Variants in DUOX2 observed in about 807,000 individuals in gnomAD.
DUOX2 encodes NADH/NADPH thyroid oxidase p138-tox.
A neutral mutation model predicts 183.3 loss-of-function variants in DUOX2; 185 were observed. The observed-to-expected ratio is 1.01, with a 90% confidence interval of 0.90 to 1.14. The LOEUF (loss-of-function observed/expected upper bound fraction) is 1.14, where lower values mean the gene tolerates loss of function less well. Ranked by LOEUF, DUOX2 falls within the 50% of genes most tolerant of loss-of-function variation. DUOX2 has a pLI of 0.00. For synonymous variants in DUOX2, 788 were observed against 812.4 expected, an observed-to-expected ratio of 0.97 and a Z score of 0.51; for missense variants, 1,999 against 2,022.9, an observed-to-expected ratio of 0.99 and a Z score of 0.23.
At position 45,097,105 on chromosome 15, in the gene DUOX2, G is replaced by A. The variant is rs558996178; in HGVS notation, c.3847+133C>T. 1.4e-3 allele frequency: 1,978 copies of A among 1,416,658 alleles called. 37 individuals are homozygous for A. In the South Asian group the frequency reaches 0.022, roughly 16 times the overall value. The allele number at this position is 1,416,658 out of a possible 1,614,324, so 87.8% of individuals were successfully genotyped here. ...AAACCTTCAGGAACCCCCGAGAGTG[G>A]TTTTTTGTTGTTGTTGTTTTTGGAG... On this transcript the variant is annotated intron_variant, in intron 29 of 33. Coordinates refer to ENST00000389039, the MANE Select transcript of DUOX2 (RefSeq NM_001363711.2).
intron 26 of DUOX2, 60 bp downstream of exon 26, chr15:45,099,323 T>G: frequency 6.6e-7 from 1 of 1,525,720 alleles, no homozygotes; most frequent in Non-Finnish European, 9.1e-7. Context: ...CTATTTCTTT[T>G]TCTATTATAC....
chr15:45,110,552 G>A, intron 8 of DUOX2, 28 bp from the exon 9 acceptor site: 1 of 1,614,036 alleles, frequency 6.2e-7, no homozygotes, highest in Non-Finnish European at 8.5e-7. Context: ...TGATGATGGG[G>A]AGACAGGCTT....
chr15:45,102,308 C>G lies in DUOX2; in HGVS notation c.2655-319G>C, dbSNP rs983749956. On this transcript the variant is annotated intron_variant, in intron 20 of 33. Coordinates refer to ENST00000389039, the MANE Select transcript of DUOX2 (RefSeq NM_001363711.2). ...GCATGGCCCTCTCTCGTGGCAGGCT[C>G]TCTGTCCACTCTCTTCTGTTGATGC... Among the ~76,000 whole-genome samples the G allele has an allele frequency of 3.9e-5, 6 of 152,342 alleles. No individual in the cohort carries two copies. In the East Asian group the frequency reaches 7.7e-4, roughly 20 times the overall value.
rs147702726 is a variant in DUOX2, at chr15:45,106,952, G to T, written c.1711C>A (p.Pro571Thr). Reference protein sequence around the residue: ...VWHKGAPCPQPKQLTTDGLPQ... With the variant: ...VWHKGAPCPQTKQLTTDGLPQ... ...AGGCCGTCAGTTGTGAGCTGCTTAG[G>T]TTGAGGGCAGGGTGCACCTGAGGGA... Residue 571 changes from proline (P) to threonine (T), a missense_variant, in exon 15 of 34, where the codon CCT becomes ACT. By Grantham distance (38) the Pro-to-Thr change is conservative (BLOSUM62 -1). Around this residue, in one of 3 missense-constraint regions of DUOX2, gnomAD observed 1,628 missense variants for 1,608.6 expected, o/e 1.01. Coordinates refer to ENST00000389039, the MANE Select transcript of DUOX2 (RefSeq NM_001363711.2). 5 of 1,577,730 alleles carry T rather than the reference G, an allele frequency of 3.2e-6. No individual in the cohort carries two copies. The South Asian group carries it at 3.5e-5, about 11-fold the overall frequency.
chr15:45,113,247 T>C, intron 2 of DUOX2, 95 bp downstream of exon 2: 1 of 1,481,292 alleles, frequency 6.8e-7, no homozygotes, highest in Non-Finnish European at 9.2e-7. Flanking sequence ...CGAAATGACC[T>C]TCCAGTCTCA....
rs771688123 is a variant in DUOX2, at chr15:45,112,580, T to C, written c.299A>G (p.Asn100Ser). Residue 100 changes from asparagine to serine, a missense_variant, in exon 4 of 34, where the codon AAC (asparagine) becomes AGC (serine). Around this residue, in one of 3 missense-constraint regions of DUOX2, gnomAD observed 356 missense variants for 356.4 expected, o/e 1.00. Coordinates refer to ENST00000389039, the MANE Select transcript of DUOX2 (RefSeq NM_001363711.2). ...RGIAGLPSLH[N>S]RTVLGVFFGY... is the part of the protein sequence containing the mutation. ...AAAGAAGACCCCCAGTACGGTGCGG[T>C]TGTGGAGCGACGGCAGGCCGGCTAT... 1.2e-6 allele frequency: 2 copies of C among 1,612,964 alleles called. No homozygotes were observed. The highest frequency in any genetic ancestry group is 2.2e-5 in the South Asian group (2 of 91,064).
At position 45,093,069 on chromosome 15, in the gene DUOX2, C is replaced by G. The variant is rs1893803582; in HGVS notation, c.*1081G>C. The G allele has an allele frequency of 6.6e-6, 1 of 152,092 alleles. No homozygotes were observed. Among genetic ancestry groups the G allele is most frequent in the Non-Finnish European group, 1.5e-5 (1 of 68,016 alleles). The allele number at this position is 152,092 out of a possible 1,614,324, so 9.4% of individuals were successfully genotyped here. ...CGATGTAAAATATTTTACAGCTCAG[C>G]TTTTTAGGAAAGAGCCCGATGAAAA... is the stretch of plus-strand genomic sequence containing the variant. On this transcript the variant is annotated 3_prime_UTR_variant, in exon 34 of 34. Coordinates refer to ENST00000389039, the MANE Select transcript of DUOX2 (RefSeq NM_001363711.2).
intron 31 of DUOX2, 36 bp from the exon 32 acceptor site, chr15:45,095,127 A>C (rs1482427658): frequency 6.2e-7 from 1 of 1,603,172 alleles, no homozygotes; most frequent in Non-Finnish European, 8.5e-7. Flanking sequence ...GACCCAGCTC[A>C]GTTCAGCCTC....
At chr15:45,112,849 C>G in intron 3 of DUOX2, 131 bp from the exon 4 acceptor site, 1 of 1,548,818 alleles carries the variant, frequency 6.5e-7, no homozygotes. Flanking sequence ...CTCTTGGCCC[C>G]GGGAGCGCAT....
chr15:45,095,578 C>T lies in DUOX2; in HGVS notation c.4098G>A (p.Pro1366=), dbSNP rs150609056. ...AGYPKLYLDG[P]FGEGHQEWHK... is the part of the protein sequence containing the mutation. ...GCCACTCCTGATGGCCCTCTCCAAA[C>T]GGTCCATCAAGGTACAGCTGCCAAG... Residue 1366 remains proline, a synonymous_variant, in exon 31 of 34, where the codon CCG becomes CCA. Coordinates refer to ENST00000389039, the MANE Select transcript of DUOX2 (RefSeq NM_001363711.2). 390 of 1,614,204 alleles carry T rather than the reference C, an allele frequency of 2.4e-4. No homozygotes were observed. The highest frequency in any genetic ancestry group is 1.3e-3 in the Admixed American group (81 of 60,030).
rs1370359599 is a variant in DUOX2 at position 45,106,548 on chromosome 15, G to A, written c.1925C>T (p.Ala642Val). The part of the protein sequence containing the change: ...KKLKESVKKE[A>V]AKDGVPAMEW... ...CTCACCTGGCACTCCATCTTTGGCT[G>A]CTTCCTTCTTCACGCTCTCTTTGAG... Residue 642 changes from alanine to valine, a missense_variant, in exon 16 of 34, where the codon GCA (alanine) becomes GTA (valine). Ala to Val is a moderately conservative substitution (Grantham distance 64). Around this residue, in one of 3 missense-constraint regions of DUOX2, gnomAD observed 1,628 missense variants for 1,608.6 expected, o/e 1.01. Transcript: ENST00000389039. 6.2e-7 allele frequency: 1 copy of A among 1,613,982 alleles called. No individual in the cohort carries two copies. Among genetic ancestry groups the A allele is most frequent in the East Asian group, 2.2e-5 (1 of 44,898 alleles).
rs138743322 is a variant in DUOX2 at position 45,097,670 on chromosome 15, G to A, written c.3637C>T (p.Arg1213Cys). ...YVFASHHFRR[R>C]SFRGFWLTHH... ...GTCAGCCAGAAGCCCCGGAAGCTGC[G>A]GCGGCGGAAGTGGTGGGAGGCGAAG... The change falls in exon 28 of 34, where the codon CGC becomes TGC. Residue 1213 changes from arginine (R) to cysteine (C), a missense_variant. By Grantham distance (180) the Arg-to-Cys change is radical. Coordinates refer to ENST00000389039, the MANE Select transcript of DUOX2 (RefSeq NM_001363711.2). The A allele has an allele frequency of 1.1e-4, 177 of 1,614,248 alleles. No individual in the cohort carries two copies. The African/African-American group carries it at 1.1e-3, about 10-fold the overall frequency.
rs1051399119 is a variant in DUOX2 at position 45,104,299 on chromosome 15, C to A, written c.2401G>T (p.Ala801Ser). The change falls in exon 19 of 34, where the codon GCC becomes TCC. Residue 801 changes from alanine (A) to serine (S), a missense_variant. By Grantham distance (99) the Ala-to-Ser change is moderately conservative. Coordinates refer to ENST00000389039, the MANE Select transcript of DUOX2 (RefSeq NM_001363711.2). Reference sequence around the variant, plus strand: ...GCCCTGCTCAGCTCGCAGGTCAGGGCCTCCCGCACCTTCTGGGAGGAGTCC... The same window carrying A: ...GCCCTGCTCAGCTCGCAGGTCAGGGACTCCCGCACCTTCTGGGAGGAGTCC... ...PLDSSQKVRE[A>S]LTCELSRAEF... The A allele has an allele frequency of 6.2e-7, 1 of 1,614,062 alleles. No individual in the cohort carries two copies. Among genetic ancestry groups the A allele is most frequent in the Admixed American group, 1.7e-5 (1 of 60,016 alleles).
At position 45,109,555 on chromosome 15, in the gene DUOX2, C is replaced by T; in HGVS notation, c.1203G>A (p.Leu401=). ...GATCTTCAACCACTATGTTGTCCTC[C>T]AACTCCGAAATCTGGGAGGCCATTC... ...LLGMASQISE[L]EDNIVVEDLR... Residue 401 remains leucine (L), a synonymous_variant, in exon 11 of 34, where the codon TTG becomes TTA. Coordinates refer to ENST00000389039, the MANE Select transcript of DUOX2 (RefSeq NM_001363711.2). 6.2e-7 allele frequency: 1 copy of T among 1,614,128 alleles called. No homozygotes were observed. The highest frequency in any genetic ancestry group is 8.5e-7 in the Non-Finnish European group (1 of 1,180,032).
intron 22 of DUOX2, 52 bp from the exon 23 acceptor site, chr15:45,100,890 C>T: frequency 1.5e-6 from 2 of 1,343,156 alleles, no homozygotes; most frequent in Middle Eastern, 1.9e-4. Context: ...GCCAGGAGAA[C>T]AACTCCCTGG....
Position 45,107,628 on chromosome 15 carries a change from G to T in DUOX2, c.1575-165C>A, listed in dbSNP as rs183821059. Among the ~76,000 whole-genome samples, 317 of 152,142 alleles carry T rather than the reference G, an allele frequency of 2.1e-3. 1 individual carries two copies. The highest frequency in any genetic ancestry group is 7.3e-3 in the African/African-American group (303 of 41,498). ...GGAGGCCAAGGCGAGTGGATCACTT[G>T]AGGTCAGGAGTTCGAGACCAGCCTG... is the stretch of plus-strand genomic sequence containing the variant. On this transcript the variant is annotated intron_variant, in intron 13 of 33. Coordinates refer to ENST00000389039, the MANE Select transcript of DUOX2 (RefSeq NM_001363711.2).
intron 18 of DUOX2, among the ~76,000 whole-genome samples, 188 bp downstream of exon 18, chr15:45,105,455 A>C (rs1287527301): frequency 1.3e-5 from 2 of 152,236 alleles, no homozygotes; most frequent in African/African-American, 4.8e-5. Flanking sequence ...GAGATACAGA[A>C]CAGTGATAAT....
chr15:45,094,929 G>A lies in DUOX2; in HGVS notation c.4395+7C>T. On this transcript the variant is annotated splice_region_variant and intron_variant, in intron 32 of 33. Transcript: ENST00000389039. ...CAAGTTGCCCTGCCTGGCGGGCCCT[G>A]ACATACTAGCATGGTGGTCCTGAGG... is the stretch of plus-strand genomic sequence containing the variant. The A allele has an allele frequency of 6.2e-7, 1 of 1,613,902 alleles. No homozygotes were observed. Among genetic ancestry groups the A allele is most frequent in the Non-Finnish European group, 8.5e-7 (1 of 1,179,804 alleles).
chr15:45,108,472 C>A, intron 12 of DUOX2: 1 of 599,950 alleles, frequency 1.7e-6, no homozygotes, highest in Non-Finnish European at 2.9e-6. Flanking sequence ...TGCCTGACCT[C>A]AATGATTAGC....
Sources: allele counts gnomAD v4.1 joint callset (sites outside exome capture counted in the v4.1 genomes callset), GRCh38; gene constraint gnomAD v4.1.1; regional missense constraint gnomAD v4.1.1; transcripts MANE v1.5; gene names NCBI Gene and HGNC (gene_info 2026-07-23, HGNC 2026-07-21).